The following MEMO1 variants were observed in gnomAD, a reference collection of about 807,000 sequenced individuals.
The protein encoded by MEMO1 is mediator of cell motility 1.
MEMO1 carries 6 observed loss-of-function variants against 45.2 expected under a neutral mutation model. The observed-to-expected ratio is 0.13, with a 90% CI of 0.07 to 0.26. The LOEUF is 0.26. MEMO1 is among the 10% of genes least tolerant of loss of function. The pLI, the probability that MEMO1 is intolerant of heterozygous loss-of-function variation, is 1.00. For missense variants in MEMO1, 184 were observed against 370.5 expected (o/e 0.50, Z 4.13); for synonymous variants, 78 against 124.3 (o/e 0.63, Z 2.48).
intron 8 of MEMO1, among the ~76,000 whole-genome samples, chr2:31,879,295 T>C (rs1675009236): frequency 1.3e-5 from 2 of 152,352 alleles, no homozygotes; most frequent in South Asian, 2.1e-4. Context: ...CTCTCTGTGA[T>C]ATTGCTCATT....
At chr2:31,894,304 A>C (rs994657523) in intron 6 of MEMO1, among the ~76,000 whole-genome samples, 15 of 152,180 alleles carry the variant, frequency 9.9e-5, no homozygotes, top group African/African-American at 3.4e-4. Flanking sequence ...CTGAGGTATA[A>C]GTTCCATCAA....
intron 8 of MEMO1, among the ~76,000 whole-genome samples, chr2:31,882,234 C>T (rs1020007780): frequency 1.3e-5 from 2 of 152,084 alleles, no homozygotes; most frequent in Admixed American, 1.3e-4. Context: ...CAGGAGATTG[C>T]TTAAGCCCAG....
At position 31,958,704 on chromosome 2, in the gene MEMO1, T is replaced by C. The variant is rs1301279772; in HGVS notation, c.62-15321A>G. On this transcript the variant is annotated intron_variant, in intron 2 of 9. Coordinates refer to ENST00000404530, the MANE Select transcript of MEMO1 (RefSeq NM_001301833.4). The stretch of plus-strand genomic sequence containing the variant: ...TCTGGCTCTATCACCCTGGCCGGAA[T>C]GCAATGGCACGATCTCAGCTGAGTG... Among the ~76,000 whole-genome samples the C allele has an allele frequency of 2.0e-5, 3 of 152,208 alleles. No homozygotes were observed. In the East Asian group the frequency reaches 5.8e-4, roughly 29 times the overall value.
At chr2:31,936,381 T>G (rs1166587197) in intron 3 of MEMO1, among the ~76,000 whole-genome samples, 1 of 152,218 alleles carries the variant, frequency 6.6e-6, no homozygotes, top group Admixed American at 6.5e-5. Context: ...CACAAAATTA[T>G]ACTTAATACC....
At position 31,933,368 on chromosome 2, in the gene MEMO1, TATATATATATATATAG is replaced by T. The variant is rs1558514495; in HGVS notation, c.144-1249_144-1234del. 4.7e-4 allele frequency among the ~76,000 whole-genome samples: 45 copies of T among 96,758 alleles called. 1 individual carries two copies. In the South Asian group the frequency reaches 0.012, roughly 27 times the overall value. The allele number at this position is 96,758 out of a possible 152,430, so 63.5% of individuals were successfully genotyped here. A position where few individuals can be genotyped will look rare whatever the true frequency, so the allele number is the denominator to read the frequency against. On this transcript the variant is annotated intron_variant, in intron 3 of 9. Transcript: ENST00000404530. The stretch of plus-strand genomic sequence containing the variant: ...AAAAAAATTTATATATATATATATA[TATATATATATATATAG>T]AAAGGGGAAGAGAGGGGAAAAAGAG...
At chr2:31,892,686 C>T (rs1677153452) in intron 6 of MEMO1, among the ~76,000 whole-genome samples, 1 of 152,132 alleles carries the variant, frequency 6.6e-6, no homozygotes, top group South Asian at 2.1e-4. Context: ...TGATCAGATA[C>T]AAGACAGTCT....
intron 4 of MEMO1, chr2:31,923,678 G>A (rs2148194079): frequency 1.9e-6 from 3 of 1,547,340 alleles, no homozygotes; most frequent in East Asian, 4.9e-5. Flanking sequence ...TCTGATTGAG[G>A]AAAATATGAA....
At chr2:31,907,324 A>G (rs1679900272) in intron 6 of MEMO1, among the ~76,000 whole-genome samples, 5 of 152,232 alleles carry the variant, frequency 3.3e-5, no homozygotes, top group Admixed American at 3.3e-4. Flanking sequence ...CTACAAGGCT[A>G]CAAGATGAGA....
At chr2:31,933,349 A>AAAT (rs1664490108) in intron 3 of MEMO1, among the ~76,000 whole-genome samples, 1 of 19,304 alleles carries the variant, frequency 5.2e-5, no homozygotes, top group Non-Finnish European at 8.4e-5. Flanking sequence ...AAAAAAAAAA[A>AAAT]TTTATATATA....
intron 6 of MEMO1, among the ~76,000 whole-genome samples, chr2:31,902,642 CCTT>C (rs1258295886): frequency 1.3e-5 from 2 of 152,122 alleles, no homozygotes; most frequent in African/African-American, 4.8e-5. Flanking sequence ...ATCTTTTAGC[CCTT>C]CTTTTTTTGT....
At chr2:31,941,270 C>T (rs888664552) in intron 3 of MEMO1, among the ~76,000 whole-genome samples, 1 of 152,160 alleles carries the variant, frequency 6.6e-6, no homozygotes, top group Non-Finnish European at 1.5e-5. Flanking sequence ...TGTTCCAGAG[C>T]CTTTGTGCTC....
At chr2:31,931,104 T>C (rs1000756144) in intron 4 of MEMO1, among the ~76,000 whole-genome samples, 6 of 152,126 alleles carry the variant, frequency 3.9e-5, no homozygotes, top group African/African-American at 1.4e-4. Flanking sequence ...ACCTCACCAA[T>C]TTAGAAATAT....
intron 6 of MEMO1, among the ~76,000 whole-genome samples, chr2:31,907,306 TATCTC>T (rs1403207211): frequency 6.6e-6 from 1 of 152,228 alleles, no homozygotes. Flanking sequence ...ATTCATTTCT[TATCTC>T]TTCTACAAGG....
intron 3 of MEMO1, among the ~76,000 whole-genome samples, chr2:31,940,824 C>T (rs1303712619): frequency 1.3e-5 from 2 of 152,142 alleles, no homozygotes; most frequent in African/African-American, 4.8e-5. Context: ...TGAGTCACTG[C>T]CCCTAGCCAA....
At chr2:31,946,924 C>T (rs912734805) in intron 2 of MEMO1, among the ~76,000 whole-genome samples, 3 of 152,186 alleles carry the variant, frequency 2.0e-5, no homozygotes, top group African/African-American at 7.2e-5. Flanking sequence ...CATTTTGTTA[C>T]AACTGCCTGT....
intron 3 of MEMO1, among the ~76,000 whole-genome samples, chr2:31,941,809 C>A (rs1321074329): frequency 1.3e-5 from 2 of 152,072 alleles, no homozygotes; most frequent in African/African-American, 4.8e-5. Context: ...TAAATGAGAT[C>A]AAGTTAGATA....
At chr2:31,891,157 C>T (rs1676916958) in intron 7 of MEMO1, among the ~76,000 whole-genome samples, 2 of 152,098 alleles carry the variant, frequency 1.3e-5, no homozygotes, top group South Asian at 4.1e-4. Context: ...AAATTATGGT[C>T]TTACATTTTA....
At chr2:31,981,252 G>C (rs146464594) in intron 2 of MEMO1, among the ~76,000 whole-genome samples, 1,813 of 152,286 alleles carry the variant, frequency 0.012, 27 homozygotes, top group South Asian at 0.048. Context: ...TTAGAGTAAA[G>C]TAGTTAGAGC....
At chr2:31,976,869 C>T (rs1026532153) in intron 2 of MEMO1, among the ~76,000 whole-genome samples, 4 of 152,056 alleles carry the variant, frequency 2.6e-5, no homozygotes, top group Non-Finnish European at 5.9e-5. Context: ...AGCAACATTA[C>T]TGAGACTGCA....
Sources: gnomAD v4.1 joint callset for allele counts (sites outside exome capture counted in the v4.1 genomes callset) on GRCh38, gnomAD v4.1.1 for gene constraint, MANE v1.5 for transcripts, NCBI Gene and HGNC (gene_info 2026-07-23, HGNC 2026-07-21) for gene names.